Variants in RNF216 observed in about 807,000 individuals in gnomAD.
The protein encoded by RNF216 is E3 ubiquitin-protein ligase RNF216.
In RNF216, 72 loss-of-function variants were observed where a neutral mutation model predicts 110.8. The observed-to-expected ratio is 0.65, with a 90% CI of 0.54 to 0.79. The LOEUF is 0.79. RNF216 is among the 30% of genes least tolerant of loss of function. RNF216 has a pLI of 0.00. For synonymous variants in RNF216, 495 were observed against 407.5 expected (o/e 1.21, Z -2.59); for missense variants, 1,342 against 1,141.2 (o/e 1.18, Z -2.54).
chr7:5,697,705 C>A (rs1411260399), intron 13 of RNF216, among the ~76,000 whole-genome samples: 1 of 152,178 alleles, frequency 6.6e-6, no homozygotes, highest in Non-Finnish European at 1.5e-5. Flanking sequence ...AGAATCTTTA[C>A]AAGCAATTTG....
chr7:5,692,539 G>A (rs572863206), intron 13 of RNF216, among the ~76,000 whole-genome samples: 2 of 152,270 alleles, frequency 1.3e-5, no homozygotes, highest in Non-Finnish European at 2.9e-5. Flanking sequence ...TATCCTGTCC[G>A]ACAGTGCCAG....
At chr7:5,729,312 T>A (rs1793945595) in intron 7 of RNF216, 120 bp downstream of exon 7, 1 of 903,990 alleles carries the variant, frequency 1.1e-6, no homozygotes, top group African/African-American at 1.7e-5. Context: ...ATCTTCACCC[T>A]AATAAATTCC....
intron 12 of RNF216, among the ~76,000 whole-genome samples, chr7:5,712,201 T>C (rs1280434838): frequency 1.3e-5 from 2 of 152,228 alleles, no homozygotes; most frequent in African/African-American, 4.8e-5. Flanking sequence ...AGCTACAGTC[T>C]GGGCGCGGTG....
chr7:5,673,290 T>C (rs1056324146), intron 13 of RNF216, among the ~76,000 whole-genome samples: 1 of 152,200 alleles, frequency 6.6e-6, no homozygotes, highest in Non-Finnish European at 1.5e-5. Context: ...CTGCTTACGG[T>C]AATTAGCGTG....
At chr7:5,778,605 T>G (rs1796908067) in intron 1 of RNF216, among the ~76,000 whole-genome samples, 1 of 152,208 alleles carries the variant, frequency 6.6e-6, no homozygotes, top group Non-Finnish European at 1.5e-5. Context: ...GTAGATGTAC[T>G]TTCAGAATAA....
chr7:5,734,979 T>C (rs907268393), intron 5 of RNF216, among the ~76,000 whole-genome samples: 5 of 151,622 alleles, frequency 3.3e-5, no homozygotes, highest in African/African-American at 9.7e-5. Context: ...GGTGAAACCC[T>C]ATCTCTACTA....
intron 5 of RNF216, among the ~76,000 whole-genome samples, chr7:5,738,867 A>G (rs1056415620): frequency 1.3e-5 from 2 of 152,228 alleles, no homozygotes; most frequent in African/African-American, 4.8e-5. Flanking sequence ...TCATAATTCT[A>G]TAACCATGCA....
At chr7:5,648,616 T>C (rs983480135) in intron 14 of RNF216, among the ~76,000 whole-genome samples, 5 of 151,252 alleles carry the variant, frequency 3.3e-5, no homozygotes, top group African/African-American at 1.2e-4. Context: ...TAGTCCCAGC[T>C]ACTCGGGAGG....
intron 13 of RNF216, among the ~76,000 whole-genome samples, chr7:5,686,759 A>G (rs1791012430): frequency 6.6e-6 from 1 of 152,228 alleles, no homozygotes; most frequent in Non-Finnish European, 1.5e-5. Flanking sequence ...GGTCCTAGGA[A>G]CCAGTTTCGT....
At chr7:5,724,065 T>C (rs899188482) in intron 8 of RNF216, among the ~76,000 whole-genome samples, 25 of 152,144 alleles carry the variant, frequency 1.6e-4, no homozygotes, top group African/African-American at 6.0e-4. Flanking sequence ...TGGGAAAATG[T>C]GAGATGCAGC....
intron 1 of RNF216, among the ~76,000 whole-genome samples, chr7:5,769,762 C>G (rs913022514): frequency 2.0e-5 from 3 of 151,426 alleles, no homozygotes; most frequent in Non-Finnish European, 2.9e-5. Context: ...ATCGGCCAGG[C>G]GTGGTGACTC....
intron 1 of RNF216, among the ~76,000 whole-genome samples, chr7:5,772,986 G>A (rs560644607): frequency 7.2e-5 from 11 of 151,906 alleles, no homozygotes; most frequent in Non-Finnish European, 1.6e-4. Context: ...CACCATGTTG[G>A]CCAGGCTAGT....
rs550451486 is a variant in RNF216 at position 5,730,657 on chromosome 7, C to T, written c.1224+58G>A. 8.0e-5 allele frequency: 128 copies of T among 1,598,938 alleles called. 2 individuals carry two copies. In the African/African-American group the frequency reaches 1.6e-3, roughly 19 times the overall value. On this transcript the variant is annotated intron_variant, in intron 6 of 16. Coordinates refer to ENST00000389902, the MANE Select transcript of RNF216 (RefSeq NM_207111.4). Reference sequence around the variant, plus strand: ...CCCACAGAGATAACAACAACAACAACAACAACAAAGCACAGCATTTCCAGG... The same window carrying T: ...CCCACAGAGATAACAACAACAACAATAACAACAAAGCACAGCATTTCCAGG...
Position 5,669,891 on chromosome 7 carries a change from A to G in RNF216, c.2062-17381T>C, listed in dbSNP as rs118133420. On this transcript the variant is annotated intron_variant, in intron 13 of 16. Coordinates refer to ENST00000389902, the MANE Select transcript of RNF216 (RefSeq NM_207111.4). ...TGGGCAAGACTCCATCTCAAAAAAA[A>G]AGAAAGTAAGTGAGATTGTGGATGG... 1.2e-3 allele frequency among the ~76,000 whole-genome samples: 183 copies of G among 152,144 alleles called. 4 individuals carry two copies. The East Asian group carries it at 0.032, about 26-fold the overall frequency.
In RNF216 at chr7:5,658,594, T is replaced by C. The variant is rs865790774; in HGVS notation, c.2062-6084A>G. Among the ~76,000 whole-genome samples the C allele has an allele frequency of 1.3e-4, 19 of 149,804 alleles. No homozygotes were observed. In the South Asian group the frequency reaches 1.7e-3, roughly 13 times the overall value. On this transcript the variant is annotated intron_variant, in intron 13 of 16. Coordinates refer to ENST00000389902, the MANE Select transcript of RNF216 (RefSeq NM_207111.4). ...ATTTCTTGAGCCTGGGAGGTGGAGG[T>C]TGCAGTGAGCTATGATCAAGCTACT...
At chr7:5,645,190 G>A (rs897759343) in intron 14 of RNF216, among the ~76,000 whole-genome samples, 3 of 152,000 alleles carry the variant, frequency 2.0e-5, no homozygotes, top group African/African-American at 7.3e-5. Flanking sequence ...TGAACAGTTT[G>A]ACTCTGATGT....
chr7:5,627,781 T>C (rs1236513528), intron 15 of RNF216, among the ~76,000 whole-genome samples: 1 of 151,934 alleles, frequency 6.6e-6, no homozygotes, highest in African/African-American at 2.4e-5. Flanking sequence ...ACCCCCTTTT[T>C]TCCCTCAGAC....
chr7:5,673,288 G>A lies in RNF216; in HGVS notation c.2062-20778C>T, dbSNP rs1357632568. 3.3e-5 allele frequency among the ~76,000 whole-genome samples: 5 copies of A among 152,344 alleles called. No homozygotes were observed. The South Asian group carries it at 8.3e-4, about 25-fold the overall frequency. ...CCACCTATCTACCCTGCCTGCTTAC[G>A]GTAATTAGCGTGGCCCTGTCAGTGG... On this transcript the variant is annotated intron_variant, in intron 13 of 16. Transcript: ENST00000389902.
rs778183712 is a variant in RNF216, at chr7:5,721,124, C to G, written c.1553G>C (p.Arg518Pro). Residue 518 changes from arginine (R) to proline (P), a missense_variant, in exon 9 of 17, where the codon CGA (arginine) becomes CCA (proline). Physicochemically the swap from Arg to Pro is moderately radical, Grantham distance 103 (BLOSUM62 -2). Coordinates refer to ENST00000389902, the MANE Select transcript of RNF216 (RefSeq NM_207111.4). ...ACGTCGGTCATAGGACCTACAATGTCGTCGCTTATTTTCAAGAAAGAACAT... is the reference window on the plus strand; with the variant it reads ...ACGTCGGTCATAGGACCTACAATGTGGTCGCTTATTTTCAAGAAAGAACAT... Reference protein sequence around the residue: ...KRMFFLENKRRHCRSYDRRAL... With the variant: ...KRMFFLENKRPHCRSYDRRAL... 2.5e-6 allele frequency: 4 copies of G among 1,613,774 alleles called. No homozygotes were observed. Among genetic ancestry groups the G allele is most frequent in the Non-Finnish European group, 2.5e-6 (3 of 1,179,696 alleles).
Sources: gnomAD v4.1 joint callset for allele counts (sites outside exome capture counted in the v4.1 genomes callset) on GRCh38, gnomAD v4.1.1 for gene constraint, MANE v1.5 for transcripts, NCBI Gene and HGNC (gene_info 2026-07-23, HGNC 2026-07-21) for gene names.